Variants in LCORL observed in about 807,000 individuals in gnomAD.
The protein encoded by LCORL is ligand dependent nuclear receptor corepressor like, also known as ligand-dependent nuclear receptor corepressor-like protein.
In LCORL, 41 loss-of-function variants were observed where a neutral mutation model predicts 141.8. The observed-to-expected ratio is 0.29, with a 90% CI of 0.23 to 0.38. The LOEUF (loss-of-function observed/expected upper bound fraction) is 0.38, where lower values mean the gene tolerates loss of function less well. Among genes scored for constraint, LCORL ranks in the 10% least tolerant of loss-of-function variants. The probability of loss-of-function intolerance (pLI) is 1.00; values close to 1 mark genes in which losing one functional copy is unlikely to be tolerated. For synonymous variants in LCORL, 618 were observed against 694.1 expected, an observed-to-expected ratio of 0.89 and a Z score of 1.72; for missense variants, 1,759 against 2,035.0, an observed-to-expected ratio of 0.86 and a Z score of 2.61.
At chr4:17,993,496 C>T (rs1355507036) in intron 1 of LCORL, among the ~76,000 whole-genome samples, 1 of 151,960 alleles carries the variant, frequency 6.6e-6, no homozygotes, top group African/African-American at 2.4e-5. Flanking sequence ...GGAGCCACCA[C>T]ACCCGGCCTA....
intron 5 of LCORL, among the ~76,000 whole-genome samples, chr4:17,888,771 TCTGTC>T (rs1243347879): frequency 6.6e-6 from 1 of 152,288 alleles, no homozygotes; most frequent in Admixed American, 6.5e-5. Flanking sequence ...TTTCCTCTGT[TCTGTC>T]ATCTCATTTC....
At chr4:17,917,016 A>G (rs1733550067) in intron 4 of LCORL, among the ~76,000 whole-genome samples, 1 of 151,996 alleles carries the variant, frequency 6.6e-6, no homozygotes, top group African/African-American at 2.4e-5. Context: ...TCACTCTGTC[A>G]CCCAGGCTGG....
At chr4:17,864,677 G>A (rs1725431862) in intron 7 of LCORL, among the ~76,000 whole-genome samples, 1 of 152,178 alleles carries the variant, frequency 6.6e-6, no homozygotes, top group Non-Finnish European at 1.5e-5. Context: ...AATGTAAGTG[G>A]TCTACTGAAA....
At position 17,935,137 on chromosome 4, in the gene LCORL, C is replaced by G. The variant is rs77572484; in HGVS notation, c.431-25792G>C. ...TTATATAGGGCCGCTTTGGTAGGTACAGAAGAAGAAAGAAGGAATCAAAGT... is the reference window on the plus strand; with the variant it reads ...TTATATAGGGCCGCTTTGGTAGGTAGAGAAGAAGAAAGAAGGAATCAAAGT... On this transcript the variant is annotated intron_variant, in intron 4 of 7. Coordinates refer to ENST00000635767, the Ensembl canonical transcript of LCORL. Among the ~76,000 whole-genome samples the G allele has an allele frequency of 5.8e-4, 88 of 152,212 alleles. 1 individual carries two copies. In the East Asian group the frequency reaches 0.013, roughly 22 times the overall value.
intron 1 of LCORL, among the ~76,000 whole-genome samples, chr4:18,014,620 A>G (rs2109888621): frequency 6.6e-6 from 1 of 152,362 alleles, no homozygotes; most frequent in Middle Eastern, 3.4e-3. Context: ...GGGAAACTAT[A>G]TGAAAGGAAA....
At chr4:17,965,967 GA>G (rs1386451947) in intron 2 of LCORL, among the ~76,000 whole-genome samples, 1 of 152,014 alleles carries the variant, frequency 6.6e-6, no homozygotes, top group African/African-American at 2.4e-5. Flanking sequence ...GAAGAATATT[GA>G]GCTAGATTTT....
At chr4:17,985,279 A>T (rs1241030540) in intron 1 of LCORL, among the ~76,000 whole-genome samples, 1 of 152,150 alleles carries the variant, frequency 6.6e-6, no homozygotes, top group South Asian at 2.1e-4. Context: ...GTAGAGGTCT[A>T]TCAGATCCAT....
At position 18,021,705 on chromosome 4, in the gene LCORL, G is replaced by A. The variant is rs1389410948; in HGVS notation, c.47C>T (p.Ala16Val). 8 of 1,527,840 alleles carry A rather than the reference G, an allele frequency of 5.2e-6. No individual in the cohort carries two copies. The highest frequency in any genetic ancestry group is 5.0e-5 in the East Asian group (2 of 39,842). The allele number at this position is 1,527,840 out of a possible 1,614,324, so 94.6% of individuals were successfully genotyped here. A position where few individuals can be genotyped will look rare whatever the true frequency, so the allele number is the denominator to read the frequency against. ...GCACTGAGCGGCGGCGGCGGCGGCG[G>A]CAGCAGCGGCGGCGGCAGCGGCCAT... is the stretch of plus-strand genomic sequence containing the variant. Residue 16 changes from alanine (A) to valine (V), a missense_variant, in exon 1 of 8, where the codon GCC becomes GTC. Ala to Val is a moderately conservative substitution (Grantham distance 64, BLOSUM62 0). This residue lies in a region of LCORL where 86 missense variants were observed against 61.8 expected (regional missense o/e 1.39). Transcript: ENST00000635767. This position sits in a 1 kb window ranked among gnomAD's most constrained non-coding sequence, Gnocchi z 5.5.
intron 4 of LCORL, among the ~76,000 whole-genome samples, chr4:17,931,528 A>G (rs1431906133): frequency 3.3e-5 from 5 of 151,996 alleles, no homozygotes; most frequent in South Asian, 2.1e-4. Flanking sequence ...GTCATTATCA[A>G]TATTTTGAAG....
chr4:17,911,728 G>C, intron 4 of LCORL: 1 of 478,816 alleles, frequency 2.1e-6, no homozygotes, highest in Non-Finnish European at 4.1e-6. Context: ...CCTGGACTCC[G>C]TCCAAGCGCC....
chr4:17,935,271 T>C (rs976577890), intron 4 of LCORL, among the ~76,000 whole-genome samples: 6 of 152,248 alleles, frequency 3.9e-5, no homozygotes, highest in Admixed American at 2.6e-4. Context: ...ATCAAATATA[T>C]TAACCATTAC....
rs537672739 is a variant in LCORL at position 17,873,368 on chromosome 4, T to C, written c.5602+20A>G. ...AGGCACCTACAATGAAACTTTAAAATTAAGTAGAGAAGAACTTACCTAGGG... is the reference window on the plus strand; with the variant it reads ...AGGCACCTACAATGAAACTTTAAAACTAAGTAGAGAAGAACTTACCTAGGG... On this transcript the variant is annotated intron_variant, in intron 7 of 7. Coordinates refer to ENST00000635767, the Ensembl canonical transcript of LCORL. 1 of 1,230,052 alleles carries C rather than the reference T, an allele frequency of 8.1e-7. No individual in the cohort carries two copies. Among genetic ancestry groups the C allele is most frequent in the African/African-American group, 1.6e-5 (1 of 64,464 alleles). The allele number at this position is 1,230,052 out of a possible 1,614,324, so 76.2% of individuals were successfully genotyped here.
intron 4 of LCORL, among the ~76,000 whole-genome samples, chr4:17,958,676 T>A (rs1713175197): frequency 6.6e-6 from 1 of 151,976 alleles, no homozygotes; most frequent in East Asian, 1.9e-4. Context: ...ATAATTTACT[T>A]CTTCAAAACG....
chr4:17,845,480 A>C (rs1722818825), exon 8 of LCORL: 1 of 344,060 alleles, frequency 2.9e-6, no homozygotes, highest in Non-Finnish European at 5.3e-6. Context: ...TAGGGCATAA[A>C]AAATTCACAT....
chr4:17,864,108 A>G (rs1725332864), intron 7 of LCORL, among the ~76,000 whole-genome samples: 1 of 152,156 alleles, frequency 6.6e-6, no homozygotes, highest in Admixed American at 6.6e-5. Context: ...CATGCTGCAT[A>G]TGTACCCCTG....
intron 1 of LCORL, among the ~76,000 whole-genome samples, chr4:17,997,783 T>TTGAG (rs35253739): frequency 0.25 from 38,503 of 151,844 alleles, 6,518 homozygotes; most frequent in African/African-American, 0.48. Flanking sequence ...TATTGTTTGT[T>TTGAG]TGTTAGTAAT....
intron 6 of LCORL, 75 bp downstream of exon 6, chr4:17,885,993 C>T: frequency 2.6e-6 from 2 of 782,118 alleles, no homozygotes; most frequent in Non-Finnish European, 4.0e-6. Flanking sequence ...CAATACTACT[C>T]AGAATAGTAT....
intron 6 of LCORL, chr4:17,883,572 A>T (rs1727860874): frequency 2.2e-6 from 3 of 1,345,852 alleles, no homozygotes; most frequent in Admixed American, 6.8e-5. Flanking sequence ...GTGGTTTTTG[A>T]ACTGTAAAAT....
intron 4 of LCORL, among the ~76,000 whole-genome samples, chr4:17,922,424 T>C (rs1008758965): frequency 2.6e-5 from 4 of 152,338 alleles, no homozygotes; most frequent in African/African-American, 9.6e-5. Context: ...TTAGTGACTC[T>C]ATACATAATA....
Sources: allele counts gnomAD v4.1 joint callset (sites outside exome capture counted in the v4.1 genomes callset), GRCh38; gene constraint gnomAD v4.1.1; regional missense constraint gnomAD v4.1.1; non-coding constraint Gnocchi (gnomAD v3.1); transcripts MANE v1.5; gene names NCBI Gene and HGNC (gene_info 2026-07-23, HGNC 2026-07-21).